The following MTHFD1L variants were observed in gnomAD, a reference collection of about 807,000 sequenced individuals.
MTHFD1L encodes the protein methylenetetrahydrofolate dehydrogenase (NADP+ dependent) 1 like.
In MTHFD1L, 81 loss-of-function variants were observed where a neutral mutation model predicts 119.5. The observed-to-expected ratio is 0.68, with a 90% CI of 0.57 to 0.82. The LOEUF (loss-of-function observed/expected upper bound fraction) is 0.82. Among genes scored for constraint, MTHFD1L ranks in the 40% least tolerant of loss-of-function variants. The pLI, the probability that MTHFD1L is intolerant of heterozygous loss-of-function variation, is 0.00. For synonymous variants in MTHFD1L, 430 were observed against 475.2 expected, an observed-to-expected ratio of 0.90 and a Z score of 1.24; for missense variants, 1,125 against 1,253.4, an observed-to-expected ratio of 0.90 and a Z score of 1.55.
chr6:150,886,878 C>T (rs1040207755), intron 6 of MTHFD1L, among the ~76,000 whole-genome samples: 3 of 151,140 alleles, frequency 2.0e-5, no homozygotes, highest in African/African-American at 7.3e-5. Flanking sequence ...TGCCTGTAGT[C>T]CCGGCTACTT....
chr6:150,973,361 C>T (rs1562479020), intron 20 of MTHFD1L, among the ~76,000 whole-genome samples: 1 of 152,202 alleles, frequency 6.6e-6, no homozygotes. Flanking sequence ...CTGTTTTCTG[C>T]AGCTCTCATG....
chr6:150,869,367 C>T (rs1293086687), intron 1 of MTHFD1L, among the ~76,000 whole-genome samples: 1 of 152,016 alleles, frequency 6.6e-6, no homozygotes, highest in African/African-American at 2.4e-5. Flanking sequence ...GTGATGTTCC[C>T]CTCCCTGGGT....
chr6:150,959,273 C>T (rs1421243639), intron 17 of MTHFD1L: 3 of 887,022 alleles, frequency 3.4e-6, no homozygotes, highest in Non-Finnish European at 4.1e-6. Context: ...AATAAAATGT[C>T]TCATAAGGTG....
At chr6:150,907,371 C>G (rs1449084584) in intron 8 of MTHFD1L, among the ~76,000 whole-genome samples, 3 of 152,078 alleles carry the variant, frequency 2.0e-5, no homozygotes, top group Non-Finnish European at 4.4e-5. Context: ...TAATGATTCT[C>G]TGGGGGAAAA....
chr6:151,079,814 A>G (rs1394538854), intron 26 of MTHFD1L, among the ~76,000 whole-genome samples: 1 of 151,556 alleles, frequency 6.6e-6, no homozygotes, highest in African/African-American at 2.4e-5. Flanking sequence ...TTGCATAGTA[A>G]GCCCTAAAGA....
In MTHFD1L at chr6:151,086,808, G is replaced by T. The variant is rs1357614694; in HGVS notation, c.2848-5659G>T. On this transcript the variant is annotated intron_variant, in intron 26 of 27. Coordinates refer to ENST00000367321, the MANE Select transcript of MTHFD1L (RefSeq NM_015440.5). Reference sequence around the variant, plus strand: ...GCCTCTCAAAGTGTCAGGATTACAGGCGTGAACCACCATGCCTGACCAAAA... The same window carrying T: ...GCCTCTCAAAGTGTCAGGATTACAGTCGTGAACCACCATGCCTGACCAAAA... 2.0e-5 allele frequency among the ~76,000 whole-genome samples: 3 copies of T among 152,130 alleles called. No individual in the cohort carries two copies. The East Asian group carries it at 5.8e-4, about 29-fold the overall frequency.
At chr6:150,991,651 G>A (rs565072) in intron 20 of MTHFD1L, among the ~76,000 whole-genome samples, 81,252 of 152,034 alleles carry the variant, frequency 0.53, 22,913 homozygotes, top group African/African-American at 0.7. Flanking sequence ...GAGAGCAAAC[G>A]ACAGGCATGT....
chr6:150,957,888 A>G (rs1462252659), intron 17 of MTHFD1L, among the ~76,000 whole-genome samples: 1 of 152,224 alleles, frequency 6.6e-6, no homozygotes, highest in Non-Finnish European at 1.5e-5. Flanking sequence ...AGAAAGATGT[A>G]TGCCAACTGT....
chr6:151,073,961 C>CA (rs1284195365), intron 26 of MTHFD1L, among the ~76,000 whole-genome samples: 1 of 151,796 alleles, frequency 6.6e-6, no homozygotes, highest in Non-Finnish European at 1.5e-5. Flanking sequence ...CTCATACATT[C>CA]AAAAAAATGA....
intron 26 of MTHFD1L, among the ~76,000 whole-genome samples, chr6:151,043,576 G>C (rs1787484797): frequency 6.6e-6 from 1 of 152,172 alleles, no homozygotes; most frequent in Non-Finnish European, 1.5e-5. Context: ...AGTTGGCCTG[G>C]AGAGGTGTCC....
At chr6:150,887,174 T>G (rs983689121) in intron 6 of MTHFD1L, among the ~76,000 whole-genome samples, 6 of 152,156 alleles carry the variant, frequency 3.9e-5, no homozygotes, top group Non-Finnish European at 8.8e-5. Flanking sequence ...ATATATGCTT[T>G]TTGGACAGTA....
chr6:150,892,943 G>A (rs1000130020), intron 7 of MTHFD1L, among the ~76,000 whole-genome samples: 4 of 152,130 alleles, frequency 2.6e-5, no homozygotes, highest in African/African-American at 9.7e-5. Flanking sequence ...CCACAGTGGT[G>A]CAAAAAGCCA....
At chr6:150,979,802 G>A (rs1023021551) in intron 20 of MTHFD1L, among the ~76,000 whole-genome samples, 2 of 152,116 alleles carry the variant, frequency 1.3e-5, no homozygotes, top group Admixed American at 6.6e-5. Context: ...ACCCAGCCTA[G>A]GGGACAGTTT....
chr6:150,957,277 A>T (rs1479221165), intron 17 of MTHFD1L, among the ~76,000 whole-genome samples: 1 of 152,224 alleles, frequency 6.6e-6, no homozygotes, highest in Non-Finnish European at 1.5e-5. Context: ...TAAAATGCCA[A>T]CATAAAAAGA....
chr6:151,090,896 C>CGCATCGTT lies in MTHFD1L; in HGVS notation c.2848-1571_2848-1570insGCATCGTT, dbSNP rs1562651230. 7.1e-4 allele frequency among the ~76,000 whole-genome samples: 47 copies of CGCATCGTT among 66,340 alleles called. 2 individuals are homozygous for CGCATCGTT. Among genetic ancestry groups the CGCATCGTT allele is most frequent in the African/African-American group, 1.9e-3 (37 of 19,766 alleles). 43.5% of individuals were successfully genotyped at this position (66,340 alleles called of 152,430 possible). A position where few individuals can be genotyped will look rare whatever the true frequency, so the allele number is the denominator to read the frequency against. The stretch of plus-strand genomic sequence containing the variant: ...CCCATGCGACTGGGTGCAGCATTGC[C>CGCATCGTT]CCATGCGACTGGGTGCAGCATCGTT... On this transcript the variant is annotated intron_variant, in intron 26 of 27. Coordinates refer to ENST00000367321, the MANE Select transcript of MTHFD1L (RefSeq NM_015440.5).
intron 26 of MTHFD1L, among the ~76,000 whole-genome samples, chr6:151,040,944 G>A (rs938367535): frequency 1.3e-5 from 2 of 152,184 alleles, no homozygotes; most frequent in Non-Finnish European, 2.9e-5. Context: ...AAATGAATGT[G>A]TGGAATGGCC....
intron 8 of MTHFD1L, among the ~76,000 whole-genome samples, chr6:150,911,745 G>T (rs961251136): frequency 6.6e-6 from 1 of 152,132 alleles, no homozygotes; most frequent in Non-Finnish European, 1.5e-5. Flanking sequence ...CCACATGGCT[G>T]GGGAGGCCTC....
chr6:151,083,858 G>C (rs555778210), intron 26 of MTHFD1L, among the ~76,000 whole-genome samples: 57 of 152,244 alleles, frequency 3.7e-4, no homozygotes, highest in South Asian at 1.4e-3. Context: ...AGTAGTTACT[G>C]TATTTGTATC....
At chr6:150,951,375 A>G (rs915768675) in intron 16 of MTHFD1L, among the ~76,000 whole-genome samples, 2 of 152,222 alleles carry the variant, frequency 1.3e-5, no homozygotes, top group Admixed American at 6.5e-5. Flanking sequence ...AATAAGTAAT[A>G]ACATTATAGA....
Sources: allele counts gnomAD v4.1 joint callset (sites outside exome capture counted in the v4.1 genomes callset), GRCh38; gene constraint gnomAD v4.1.1; transcripts MANE v1.5; gene names NCBI Gene and HGNC (gene_info 2026-07-23, HGNC 2026-07-21).